The following SGCZ variants were observed in gnomAD, a reference collection of about 807,000 sequenced individuals.
SGCZ encodes sarcoglycan zeta, also known as zeta-sarcoglycan.
Under a neutral mutation model 41.3 loss-of-function variants are expected in SGCZ, and 40 were observed. The ratio of observed to expected loss-of-function variants is 0.97; its 90% CI spans 0.75 to 1.26. SGCZ has a LOEUF of 1.26. Ranked by LOEUF, SGCZ falls within the 50% of genes most tolerant of loss-of-function variation. The probability of loss-of-function intolerance (pLI) is 0.00; values close to 1 mark genes in which losing one functional copy is unlikely to be tolerated. For missense variants in SGCZ, 552 were observed against 369.8 expected (o/e 1.49, Z -4.04); for synonymous variants, 206 against 137.5 (o/e 1.50, Z -3.49).
At chr8:14,409,453 T>C (rs571272767) in intron 2 of SGCZ, among the ~76,000 whole-genome samples, 1 of 151,314 alleles carries the variant, frequency 6.6e-6, no homozygotes, top group African/African-American at 2.4e-5. Context: ...ACTCAGCGTT[T>C]GGTAATGCTG....
chr8:14,717,179 A>T (rs10105080), intron 1 of SGCZ, among the ~76,000 whole-genome samples: 4,243 of 152,184 alleles, frequency 0.028, 140 homozygotes, highest in African/African-American at 0.08. Flanking sequence ...AAATTTTTCT[A>T]GATAAATAAC....
intron 1 of SGCZ, among the ~76,000 whole-genome samples, chr8:14,597,342 A>G (rs997450003): frequency 2.0e-5 from 3 of 152,216 alleles, no homozygotes; most frequent in Non-Finnish European, 4.4e-5. Context: ...TGGGAGAGAA[A>G]AAGTACTTAG....
intron 1 of SGCZ, among the ~76,000 whole-genome samples, chr8:14,640,387 T>G (rs1806982360): frequency 1.3e-5 from 2 of 151,716 alleles, no homozygotes; most frequent in African/African-American, 2.4e-5. Context: ...CCCATTCCCA[T>G]TATTGCTACT....
At chr8:14,768,202 T>C (rs1279494744) in intron 1 of SGCZ, among the ~76,000 whole-genome samples, 1 of 152,246 alleles carries the variant, frequency 6.6e-6, no homozygotes, top group African/African-American at 2.4e-5. Context: ...CATTTCTGAC[T>C]TTATAAAATC....
At chr8:14,233,272 G>A (rs1016050101) in intron 4 of SGCZ, among the ~76,000 whole-genome samples, 8 of 151,802 alleles carry the variant, frequency 5.3e-5, no homozygotes, top group Admixed American at 2.0e-4. Context: ...AAGATATTTT[G>A]TAATATAAGA....
chr8:14,159,155 T>C (rs1187957365), intron 5 of SGCZ, among the ~76,000 whole-genome samples: 1 of 152,032 alleles, frequency 6.6e-6, no homozygotes, highest in East Asian at 1.9e-4. Flanking sequence ...ATTTTGTGGG[T>C]CTAAGACCTA....
At chr8:14,487,159 C>G (rs78306142) in intron 2 of SGCZ, among the ~76,000 whole-genome samples, 3,831 of 152,164 alleles carry the variant, frequency 0.025, 108 homozygotes, top group African/African-American at 0.068. Flanking sequence ...TCTCTCTTTC[C>G]TTAGCTGTAT....
rs191535243 is a variant in SGCZ at position 14,373,509 on chromosome 8, G to A, written c.235-49305C>T. Among the ~76,000 whole-genome samples the A allele has an allele frequency of 2.0e-5, 3 of 152,204 alleles. No homozygotes were observed. The East Asian group carries it at 5.8e-4, about 29-fold the overall frequency. On this transcript the variant is annotated intron_variant, in intron 2 of 7. Transcript: ENST00000382080. ...TGAGCTCTCAAGACTCCTCACCCAA[G>A]TCTCTACAAAATTATTAGGTTCAAT...
rs57729018 is a variant in SGCZ at position 14,859,303 on chromosome 8, C to T, written c.40-304377G>A. On this transcript the variant is annotated intron_variant, in intron 1 of 7. Coordinates refer to ENST00000382080, the MANE Select transcript of SGCZ (RefSeq NM_139167.4). ...GTATAGCAGTAAAGACTATAGTGAC[C>T]ACTAGCATATTTTGGGACCATTCAT... Among the ~76,000 whole-genome samples, 1,488 of 152,058 alleles carry T rather than the reference C, an allele frequency of 9.8e-3. 19 individuals carry two copies. Among genetic ancestry groups the T allele is most frequent in the African/African-American group, 0.034 (1,419 of 41,490 alleles).
At chr8:15,058,468 G>A (rs936813665) in intron 1 of SGCZ, among the ~76,000 whole-genome samples, 6 of 152,164 alleles carry the variant, frequency 3.9e-5, no homozygotes, top group African/African-American at 1.2e-4. Context: ...GACGTGAAGT[G>A]TATATTTGTC....
chr8:14,972,324 T>C (rs1369488684), intron 1 of SGCZ, among the ~76,000 whole-genome samples: 7 of 152,180 alleles, frequency 4.6e-5, no homozygotes, highest in Non-Finnish European at 1.0e-4. Flanking sequence ...ATTTTTCTGA[T>C]AAATTTGGAT....
chr8:14,118,736 G>C (rs1160266565), intron 5 of SGCZ, among the ~76,000 whole-genome samples: 1 of 152,114 alleles, frequency 6.6e-6, no homozygotes, highest in Admixed American at 6.5e-5. Context: ...GTTAATTTTT[G>C]TATAAGGTGC....
At chr8:14,536,178 C>T (rs948619317) in intron 2 of SGCZ, among the ~76,000 whole-genome samples, 6 of 151,746 alleles carry the variant, frequency 4.0e-5, no homozygotes, top group African/African-American at 1.5e-4. Context: ...TTTGTCTTTG[C>T]AATTATACTC....
chr8:15,102,479 A>G (rs1163063605), intron 1 of SGCZ, among the ~76,000 whole-genome samples: 1 of 152,208 alleles, frequency 6.6e-6, no homozygotes, highest in Non-Finnish European at 1.5e-5. Flanking sequence ...AACCCATTGA[A>G]TGTAGAACAC....
intron 1 of SGCZ, among the ~76,000 whole-genome samples, chr8:15,112,324 G>A (rs1326299502): frequency 2.6e-5 from 4 of 152,292 alleles, no homozygotes; most frequent in South Asian, 4.1e-4. Context: ...AGTCATTAAT[G>A]TGCAAACAAT....
At chr8:15,231,850 G>C (rs1275720535) in intron 1 of SGCZ, among the ~76,000 whole-genome samples, 2 of 151,990 alleles carry the variant, frequency 1.3e-5, no homozygotes, top group Non-Finnish European at 2.9e-5. Flanking sequence ...TTGAACTCCT[G>C]GCCTCAAGTG....
chr8:14,180,366 C>T (rs974006233), intron 4 of SGCZ, among the ~76,000 whole-genome samples: 2 of 152,058 alleles, frequency 1.3e-5, no homozygotes, highest in Admixed American at 6.5e-5. Flanking sequence ...ACTCTGAATG[C>T]GGGGAGGGGG....
At chr8:14,708,982 T>C (rs1809420477) in intron 1 of SGCZ, among the ~76,000 whole-genome samples, 1 of 152,162 alleles carries the variant, frequency 6.6e-6, no homozygotes, top group African/African-American at 2.4e-5. Context: ...TTGTTCATCT[T>C]GACCCAATTT....
intron 3 of SGCZ, among the ~76,000 whole-genome samples, chr8:14,296,465 T>C (rs1801015169): frequency 6.6e-6 from 1 of 152,224 alleles, no homozygotes; most frequent in Non-Finnish European, 1.5e-5. Flanking sequence ...TGAATACTTA[T>C]CATATTTTAC....
Sources: allele counts gnomAD v4.1 joint callset (sites outside exome capture counted in the v4.1 genomes callset), GRCh38; gene constraint gnomAD v4.1.1; transcripts MANE v1.5; gene names NCBI Gene and HGNC (gene_info 2026-07-23, HGNC 2026-07-21).